Variants in ATRX observed in about 807,000 individuals in gnomAD.
ATRX encodes chromatin remodeler ATRX.
A neutral mutation model predicts 172.6 loss-of-function variants in ATRX; 12 were observed. That is an observed-to-expected ratio of 0.07 (90% CI 0.04 to 0.11). ATRX has a LOEUF of 0.11. Ranked by LOEUF, ATRX falls within the 10% of genes least tolerant of loss-of-function variation. The pLI is 1.00. For synonymous variants in ATRX, 674 were observed against 594.7 expected (o/e 1.13, Z -1.94); for missense variants, 1,368 against 1,767.4 (o/e 0.77, Z 4.05).
chrX:77,561,403 C>A lies in ATRX; in HGVS notation c.6327-2557G>T, dbSNP rs781962486. Among the ~76,000 whole-genome samples, 7 of 110,587 alleles carry A rather than the reference C, an allele frequency of 6.3e-5. No individual in the cohort carries two copies. The South Asian group carries it at 2.7e-3, about 43-fold the overall frequency. ...CATATTGAGATAAACTACCCAATAC[C>A]TTTTTTAGATATTCTTAATACTAAG... On this transcript the variant is annotated intron_variant, in intron 28 of 34. Coordinates refer to ENST00000373344, the MANE Select transcript of ATRX (RefSeq NM_000489.6).
chrX:77,557,665 A>G lies in ATRX; in HGVS notation c.6505-20T>C. On this transcript the variant is annotated intron_variant, in intron 29 of 34. Transcript: ENST00000373344. ...GGTTCCCTTTGTAAAAAGAAGGAAG[A>G]ATATACAAAAAAATAAAATTTTGTA... The G allele has an allele frequency of 8.6e-7, 1 of 1,166,992 alleles. No individual in the cohort carries two copies. Among genetic ancestry groups the G allele is most frequent in the East Asian group, 3.0e-5 (1 of 33,605 alleles).
chrX:77,513,759 G>A (rs1284507988), intron 34 of ATRX, among the ~76,000 whole-genome samples: 2 of 111,459 alleles, frequency 1.8e-5, no homozygotes, highest in Non-Finnish European at 3.8e-5. Flanking sequence ...CCTGGGCAGA[G>A]CAATCAGGAA....
At chrX:77,648,075 CAGA>C (rs1451427878) in intron 15 of ATRX, among the ~76,000 whole-genome samples, 1 of 111,135 alleles carries the variant, frequency 9.0e-6, no homozygotes, top group Non-Finnish European at 1.9e-5. Context: ...GGGAATTAAC[CAGA>C]AAGATGTAAT....
intron 2 of ATRX, among the ~76,000 whole-genome samples, chrX:77,712,052 T>C (rs1369185657): frequency 8.9e-6 from 1 of 111,936 alleles, no homozygotes; most frequent in Admixed American, 9.5e-5. Flanking sequence ...GGCTCTTTTC[T>C]AGATGGGATC....
In ATRX at chrX:77,508,285, T is replaced by C; in HGVS notation, c.*66A>G. The C allele has an allele frequency of 4.3e-6, 5 of 1,161,939 alleles. No individual in the cohort carries two copies. The highest frequency in any genetic ancestry group is 4.4e-5 in the Admixed American group (2 of 45,764). On this transcript the variant is annotated 3_prime_UTR_variant, in exon 35 of 35. Transcript: ENST00000373344. ...TATACAGTTGAGTTCTGTTAAGTCA[T>C]TGATTCCTAAAAAAATAAAAGATCT...
At chrX:77,693,177 A>C (rs1557148035) in intron 6 of ATRX, among the ~76,000 whole-genome samples, 1 of 110,462 alleles carries the variant, frequency 9.1e-6, no homozygotes, top group African/African-American at 3.3e-5. Context: ...GTGAGCCACC[A>C]CTCCCCACCG....
rs781920654 is a variant in ATRX, at chrX:77,618,061, T to C, written c.5448+745A>G. 2.7e-5 allele frequency among the ~76,000 whole-genome samples: 3 copies of C among 111,658 alleles called. No homozygotes were observed. The East Asian group carries it at 8.5e-4, about 32-fold the overall frequency. The stretch of plus-strand genomic sequence containing the variant: ...CACTGTACCTAGCCTCTGTCCATTT[T>C]ATCTATTTTTTAAAAAAATATTTTT... On this transcript the variant is annotated intron_variant, in intron 21 of 34. Transcript: ENST00000373344.
At chrX:77,737,189 C>T (rs1159086954) in intron 1 of ATRX, among the ~76,000 whole-genome samples, 1 of 110,322 alleles carries the variant, frequency 9.1e-6, no homozygotes, top group East Asian at 2.9e-4. Flanking sequence ...CTTTAGGAGG[C>T]CGCGGCGGGC....
At chrX:77,611,312 C>T (rs2067143781) in intron 22 of ATRX, among the ~76,000 whole-genome samples, 1 of 111,415 alleles carries the variant, frequency 9.0e-6, no homozygotes, top group Non-Finnish European at 1.9e-5. Flanking sequence ...TTTGACGTCC[C>T]TTTCCAAATT....
At chrX:77,642,660 CAAAAA>C (rs376876496) in intron 15 of ATRX, among the ~76,000 whole-genome samples, 1 of 82,489 alleles carries the variant, frequency 1.2e-5, no homozygotes, top group Non-Finnish European at 2.5e-5. Flanking sequence ...AAAAAAAAAA[CAAAAA>C]AAAAAAAGAA....
chrX:77,709,769 A>C (rs1262258341), intron 2 of ATRX, among the ~76,000 whole-genome samples: 1 of 110,729 alleles, frequency 9.0e-6, no homozygotes, highest in African/African-American at 3.3e-5. Context: ...CAACACAGTG[A>C]GGCTCTGTCT....
chrX:77,591,173 G>A (rs966513953), intron 26 of ATRX, among the ~76,000 whole-genome samples: 2 of 111,548 alleles, frequency 1.8e-5, no homozygotes, highest in Non-Finnish European at 3.8e-5. Flanking sequence ...TAGGCATTAC[G>A]GGAGAAGGAG....
chrX:77,598,203 G>A (rs937076207), intron 25 of ATRX, among the ~76,000 whole-genome samples: 19 of 111,083 alleles, frequency 1.7e-4, no homozygotes, highest in African/African-American at 5.2e-4. Flanking sequence ...CAAATACGGC[G>A]TGTTCTTACA....
At chrX:77,603,888 A>C (rs781856479) in intron 22 of ATRX, among the ~76,000 whole-genome samples, 18 of 111,605 alleles carry the variant, frequency 1.6e-4, no homozygotes, top group Admixed American at 9.5e-5. Flanking sequence ...GGGAAAGGAC[A>C]CTCTTTTCAA....
chrX:77,578,589 A>G (rs1423925426), intron 27 of ATRX, among the ~76,000 whole-genome samples: 1 of 111,978 alleles, frequency 8.9e-6, no homozygotes, highest in Non-Finnish European at 1.9e-5. Flanking sequence ...GGCAGGATTC[A>G]TCACCTGCTG....
rs1382991186 is a variant in ATRX at position 77,763,474 on chromosome X, A to T, written c.20+22508T>A. On this transcript the variant is annotated intron_variant, in intron 1 of 34. Coordinates refer to ENST00000373344, the MANE Select transcript of ATRX (RefSeq NM_000489.6). ...TACTATTTTCTTTTTTCTTTTTTTT[A>T]AAAAAAAAAAAAAAAAAAATGAGTC... 4.0e-3 allele frequency among the ~76,000 whole-genome samples: 247 copies of T among 61,054 alleles called. 1 individual carries two copies. The highest frequency in any genetic ancestry group is 5.2e-3 in the Non-Finnish European group (195 of 37,561). 53.0% of individuals were successfully genotyped at this position (61,054 alleles called of 115,157 possible). A position where few individuals can be genotyped will look rare whatever the true frequency, so the allele number is the denominator to read the frequency against.
intron 22 of ATRX, 183 bp downstream of exon 22, chrX:77,616,428 CTT>C (rs782530637): frequency 8.9e-6 from 10 of 1,120,488 alleles, no homozygotes; most frequent in Middle Eastern, 2.8e-4. Flanking sequence ...CAATTTGCTT[CTT>C]GATTTTAATT....
chrX:77,619,814 A>T (rs2067507780), intron 20 of ATRX, among the ~76,000 whole-genome samples: 1 of 112,102 alleles, frequency 8.9e-6, no homozygotes, highest in African/African-American at 3.2e-5. Context: ...GAGAGATTAT[A>T]ACAGGAAATT....
intron 15 of ATRX, among the ~76,000 whole-genome samples, chrX:77,636,473 G>A (rs2068355392): frequency 9.0e-6 from 1 of 111,197 alleles, no homozygotes; most frequent in Non-Finnish European, 1.9e-5. Flanking sequence ...CTCCCCGGAA[G>A]CAGAAGCCAC....
Sources: allele counts gnomAD v4.1 joint callset (sites outside exome capture counted in the v4.1 genomes callset), GRCh38; gene constraint gnomAD v4.1.1; transcripts MANE v1.5; gene names NCBI Gene and HGNC (gene_info 2026-07-23, HGNC 2026-07-21).